NDRG1: variants seen among roughly 807,000 people sequenced by gnomAD.
NDRG1 encodes the protein N-myc downstream regulated 1, also known as protein NDRG1.
NDRG1 carries 32 observed loss-of-function variants against 56.9 expected under a neutral mutation model. The ratio of observed to expected loss-of-function variants is 0.56; its 90% CI spans 0.42 to 0.76. The LOEUF (loss-of-function observed/expected upper bound fraction) is 0.76, where lower values mean the gene tolerates loss of function less well. Ranked by LOEUF, NDRG1 falls within the 30% of genes least tolerant of loss-of-function variation. NDRG1 has a pLI of 0.00. For missense variants in NDRG1, 507 were observed against 545.7 expected, an observed-to-expected ratio of 0.93 and a Z score of 0.71; for synonymous variants, 211 against 204.1, an observed-to-expected ratio of 1.03 and a Z score of -0.29.
At chr8:133,241,401 T>A (rs942357639) in intron 15 of NDRG1, 1 of 159,330 alleles carries the variant, frequency 6.3e-6, no homozygotes, top group Admixed American at 5.8e-5. Context: ...ATGCTTCCAA[T>A]GTATCCTCCA....
At chr8:133,266,669 T>G (rs917610572) in intron 3 of NDRG1, among the ~76,000 whole-genome samples, 33 of 152,336 alleles carry the variant, frequency 2.2e-4, no homozygotes, top group Non-Finnish European at 4.4e-4. Flanking sequence ...CCTCTGCTAC[T>G]TCTTACCCCT....
rs1586447197 is a variant in NDRG1, at chr8:133,262,458, C to T, written c.206-291G>A. On this transcript the variant is annotated intron_variant, in intron 4 of 15. Transcript: ENST00000323851. ...CCCAGGCTGGCTCCTGTAGCTCCTC[C>T]AGTCAGCCAGGGTCAGGATGGCCCT... 2.0e-5 allele frequency among the ~76,000 whole-genome samples: 3 copies of T among 152,176 alleles called. No homozygotes were observed. The South Asian group carries it at 6.2e-4, about 32-fold the overall frequency.
At position 133,255,465 on chromosome 8, in the gene NDRG1, A is replaced by G. The variant is rs1856319482; in HGVS notation, c.538-870T>C. 3 of 440,218 alleles carry G rather than the reference A, an allele frequency of 6.8e-6. 1 individual carries two copies. The highest frequency in any genetic ancestry group is 4.8e-5 in the South Asian group (3 of 63,042). The allele number at this position is 440,218 out of a possible 1,614,324, so 27.3% of individuals were successfully genotyped here. ...CTGTACTGAAGGGAATAGTACAGCT[A>G]TTAAAGACAATCCTCAGGCTTCACA... On this transcript the variant is annotated intron_variant, in intron 8 of 15. Coordinates refer to ENST00000323851, the MANE Select transcript of NDRG1 (RefSeq NM_006096.4).
intron 4 of NDRG1, 68 bp from the exon 5 acceptor site, chr8:133,262,235 G>A: frequency 1.3e-6 from 2 of 1,558,266 alleles, no homozygotes; most frequent in Non-Finnish European, 8.8e-7. Context: ...TGTCTCGGTG[G>A]CAAAGCACAT....
At chr8:133,280,193 G>C in intron 3 of NDRG1, 39 bp downstream of exon 3, 1 of 1,610,060 alleles carries the variant, frequency 6.2e-7, no homozygotes, top group Non-Finnish European at 8.5e-7. Flanking sequence ...AGAGAAGACG[G>C]GATGAGGAAG....
chr8:133,276,781 T>A (rs1191127347), intron 3 of NDRG1, among the ~76,000 whole-genome samples: 2 of 152,252 alleles, frequency 1.3e-5, no homozygotes, highest in Admixed American at 6.5e-5. Context: ...CAGTTTCTGA[T>A]ATGTCCTTAT....
chr8:133,273,432 C>A (rs1219031073), intron 3 of NDRG1, among the ~76,000 whole-genome samples: 1 of 152,184 alleles, frequency 6.6e-6, no homozygotes, highest in East Asian at 1.9e-4. Context: ...TGACACTGGG[C>A]AAATCCCTCC....
intron 3 of NDRG1, among the ~76,000 whole-genome samples, chr8:133,265,580 G>A (rs1856877000): frequency 6.6e-6 from 1 of 152,032 alleles, no homozygotes; most frequent in Non-Finnish European, 1.5e-5. Context: ...CTGGGTCAAG[G>A]CCAACTCTCC....
rs113140810 is a variant in NDRG1 at position 133,242,004 on chromosome 8, C to A, written c.943+19G>T. The stretch of plus-strand genomic sequence containing the variant: ...GACACATGCCCCGACCCACTGCACA[C>A]GGGGAATGCCATACTCACTGTATCC... On this transcript the variant is annotated intron_variant, in intron 15 of 15. Coordinates refer to ENST00000323851, the MANE Select transcript of NDRG1 (RefSeq NM_006096.4). The A allele has an allele frequency of 2.0e-5, 33 of 1,613,970 alleles. No homozygotes were observed. Among genetic ancestry groups the A allele is most frequent in the Non-Finnish European group, 2.7e-5 (32 of 1,179,942 alleles).
At chr8:133,258,747 GA>G (rs576167217) in intron 6 of NDRG1, among the ~76,000 whole-genome samples, 226 of 152,346 alleles carry the variant, frequency 1.5e-3, no homozygotes, top group African/African-American at 5.1e-3. Flanking sequence ...AACTTGGAAT[GA>G]AAACAAATTG....
In NDRG1 at chr8:133,263,951, A is replaced by G. The variant is rs193288421; in HGVS notation, c.205+596T>C. 1.3e-4 allele frequency among the ~76,000 whole-genome samples: 20 copies of G among 152,078 alleles called. No individual in the cohort carries two copies. The East Asian group carries it at 3.7e-3, about 28-fold the overall frequency. On this transcript the variant is annotated intron_variant, in intron 4 of 15. Coordinates refer to ENST00000323851, the MANE Select transcript of NDRG1 (RefSeq NM_006096.4). Reference sequence around the variant, plus strand: ...AAAAAAAGAAAGAAAGAAAAAGAAAAAAGAACGAATAAAGTGTGGTAAATC... The same window carrying G: ...AAAAAAAGAAAGAAAGAAAAAGAAAGAAGAACGAATAAAGTGTGGTAAATC...
At chr8:133,279,641 G>A (rs767189906) in intron 3 of NDRG1, among the ~76,000 whole-genome samples, 1 of 152,196 alleles carries the variant, frequency 6.6e-6, no homozygotes, top group Non-Finnish European at 1.5e-5. Context: ...CCAGAGGCCA[G>A]CACAGCATGG....
At chr8:133,250,693 T>C (rs1855971063) in intron 9 of NDRG1, 150 bp from the exon 10 acceptor site, 1 of 740,220 alleles carries the variant, frequency 1.4e-6, no homozygotes, top group African/African-American at 1.8e-5. Context: ...AAAAAACCTT[T>C]GGGAAAGCAA....
intron 14 of NDRG1, among the ~76,000 whole-genome samples, chr8:133,243,705 G>A (rs771044422): frequency 4.6e-5 from 7 of 152,158 alleles, no homozygotes; most frequent in Non-Finnish European, 5.9e-5. Context: ...GGCAGGGCAG[G>A]TTTTGGATAA....
chr8:133,282,109 C>G (rs7461298), intron 2 of NDRG1, among the ~76,000 whole-genome samples: 47,384 of 152,102 alleles, frequency 0.31, 9,130 homozygotes, highest in African/African-American at 0.53. Flanking sequence ...GCATGTAACC[C>G]TGAATGGGCA....
intron 4 of NDRG1, among the ~76,000 whole-genome samples, chr8:133,263,407 C>T (rs1052422188): frequency 6.6e-6 from 1 of 152,192 alleles, no homozygotes; most frequent in African/African-American, 2.4e-5. Flanking sequence ...ATTACGGGAC[C>T]AGTGAAACCT....
intron 12 of NDRG1, 62 bp from the exon 13 acceptor site, chr8:133,246,725 C>T: frequency 1.4e-6 from 2 of 1,439,212 alleles, no homozygotes; most frequent in Non-Finnish European, 2.0e-6. Context: ...AACATCTCCC[C>T]CTTCTCCGCC....
chr8:133,257,715 A>AG (rs1356540397), intron 7 of NDRG1, among the ~76,000 whole-genome samples: 3 of 152,252 alleles, frequency 2.0e-5, no homozygotes, highest in Non-Finnish European at 4.4e-5. Flanking sequence ...CCTGGGGTAC[A>AG]GTTGAGACCA....
rs573578874 is a variant in NDRG1 at position 133,238,294 on chromosome 8, T to G, written c.*584A>C. On this transcript the variant is annotated 3_prime_UTR_variant, in exon 16 of 16. Coordinates refer to ENST00000323851, the MANE Select transcript of NDRG1 (RefSeq NM_006096.4). Reference sequence around the variant, plus strand: ...AACTTTAAAAATCGGTTTCTTCAAGTTAACTACGTAGATTTGTTGTTCCAA... The same window carrying G: ...AACTTTAAAAATCGGTTTCTTCAAGGTAACTACGTAGATTTGTTGTTCCAA... 2 of 232,760 alleles carry G rather than the reference T, an allele frequency of 8.6e-6. No individual in the cohort carries two copies. Among genetic ancestry groups the G allele is most frequent in the East Asian group, 1.2e-4 (2 of 16,460 alleles). The allele number at this position is 232,760 out of a possible 1,614,324, so 14.4% of individuals were successfully genotyped here. A position where few individuals can be genotyped will look rare whatever the true frequency, so the allele number is the denominator to read the frequency against.
Sources: allele counts gnomAD v4.1 joint callset (sites outside exome capture counted in the v4.1 genomes callset), GRCh38; gene constraint gnomAD v4.1.1; transcripts MANE v1.5; gene names NCBI Gene and HGNC (gene_info 2026-07-23, HGNC 2026-07-21).